CACNA1I: variants seen among roughly 807,000 people sequenced by gnomAD.
CACNA1I encodes the protein calcium voltage-gated channel subunit alpha1 I.
A neutral mutation model predicts 201.6 loss-of-function variants in CACNA1I; 74 were observed. That is an observed-to-expected ratio of 0.37 (90% CI 0.30 to 0.45). The LOEUF (loss-of-function observed/expected upper bound fraction) is 0.45. CACNA1I is among the 20% of genes least tolerant of loss of function. CACNA1I has a pLI of 1.00. For synonymous variants in CACNA1I, 1,431 were observed against 1,345.2 expected (o/e 1.06, Z -1.40); for missense variants, 2,346 against 3,138.1 (o/e 0.75, Z 6.03).
chr22:39,642,566 C>A (rs1934376738), intron 6 of CACNA1I, among the ~76,000 whole-genome samples: 1 of 152,204 alleles, frequency 6.6e-6, no homozygotes, highest in African/African-American at 2.4e-5. Flanking sequence ...CAAGTCCTGG[C>A]ACGTCCCCTT....
chr22:39,649,787 G>A lies in CACNA1I; in HGVS notation c.1854G>A (p.Ala618=), dbSNP rs778662221. ...EEEEEEQADG[A]VWLCGDVWRE... ...AGGAGGAGGAGCAGGCGGATGGGGC[G>A]GTCTGGCTGTGCGGGGATGTGTGGC... Residue 618 remains alanine, a synonymous_variant, in exon 10 of 37, where the codon GCG becomes GCA. Transcript: ENST00000402142. This position sits in a 1 kb window ranked among gnomAD's most constrained non-coding sequence, Gnocchi z 7.3. The A allele has an allele frequency of 9.1e-5, 147 of 1,610,758 alleles. 1 individual carries two copies. Among genetic ancestry groups the A allele is most frequent in the Admixed American group, 1.3e-4 (8 of 59,604 alleles).
chr22:39,604,982 T>C (rs1364282545), intron 3 of CACNA1I, among the ~76,000 whole-genome samples: 1 of 151,898 alleles, frequency 6.6e-6, no homozygotes, highest in East Asian at 1.9e-4. Flanking sequence ...TCCCATCCTT[T>C]GTGCCCAGGG....
intron 1 of CACNA1I, 52 bp from the exon 2 acceptor site, chr22:39,598,099 C>A: frequency 9.0e-7 from 1 of 1,111,520 alleles, no homozygotes; most frequent in Non-Finnish European, 1.3e-6. Flanking sequence ...GGGTGCACCC[C>A]AGCCCCCACG....
intron 27 of CACNA1I, 30 bp downstream of exon 27, chr22:39,672,338 A>C: frequency 7.1e-7 from 1 of 1,415,374 alleles, no homozygotes; most frequent in South Asian, 1.1e-5. Context: ...TAGGGCAGTA[A>C]TAGGGTAGAC....
At chr22:39,635,520 G>A (rs1311369499) in intron 5 of CACNA1I, among the ~76,000 whole-genome samples, 2 of 152,204 alleles carry the variant, frequency 1.3e-5, no homozygotes, top group East Asian at 3.9e-4. Flanking sequence ...GTTGGGGAGA[G>A]GGTAGCAGAG....
intron 27 of CACNA1I, among the ~76,000 whole-genome samples, 169 bp from the exon 28 acceptor site, chr22:39,672,780 G>C (rs1201637089): frequency 6.6e-6 from 1 of 152,108 alleles, no homozygotes; most frequent in East Asian, 1.9e-4. Context: ...AGCAGAGAGG[G>C]GCCTGGACCC....
At chr22:39,635,003 T>C (rs1468824914) in intron 5 of CACNA1I, among the ~76,000 whole-genome samples, 1 of 152,046 alleles carries the variant, frequency 6.6e-6, no homozygotes, top group Non-Finnish European at 1.5e-5. Flanking sequence ...TGAGCTCCCA[T>C]TTGGCCGCTT....
At chr22:39,660,532 C>A in intron 15 of CACNA1I, 95 bp downstream of exon 15, 1 of 746,080 alleles carries the variant, frequency 1.3e-6, no homozygotes, top group Non-Finnish European at 2.2e-6. Flanking sequence ...ACCTCAAGCC[C>A]AGGCTCAGGG....
chr22:39,685,795 C>CGCGGG lies in CACNA1I; in HGVS notation c.6062_6063insGCGGG (p.Ser2022ArgfsTer17). 1 of 1,496,024 alleles carries CGCGGG rather than the reference C, an allele frequency of 6.7e-7. No individual in the cohort carries two copies. Among genetic ancestry groups the CGCGGG allele is most frequent in the Non-Finnish European group, 8.8e-7 (1 of 1,130,292 alleles). The allele number at this position is 1,496,024 out of a possible 1,614,324, so 92.7% of individuals were successfully genotyped here. A position where few individuals can be genotyped will look rare whatever the true frequency, so the allele number is the denominator to read the frequency against. On this transcript the variant is annotated frameshift_variant, in exon 37 of 37. Coordinates refer to ENST00000402142, the MANE Select transcript of CACNA1I (RefSeq NM_021096.4). LOFTEE classifies it low-confidence loss of function (END_TRUNC). This position sits in a 1 kb window ranked among gnomAD's most constrained non-coding sequence, Gnocchi z 5.0. The stretch of plus-strand genomic sequence containing the variant: ...AGCGACACGTCGCTGGACGCCAGCC[C>CGCGGG]CAGCAGCTCCGCGGGCAGCCTGCAG...
chr22:39,685,719 G>A lies in CACNA1I; in HGVS notation c.6028-42G>A. On this transcript the variant is annotated intron_variant, in intron 36 of 36. Coordinates refer to ENST00000402142, the MANE Select transcript of CACNA1I (RefSeq NM_021096.4). The surrounding 1 kb of genome is among the most constrained non-coding windows in gnomAD (Gnocchi z 5.0). ...GGCGGCGTCCAGGTTGCTGGGGTGG[G>A]GGCCGACACAGGCGGCCTCCACGGC... 1.4e-6 allele frequency: 2 copies of A among 1,406,366 alleles called. No individual in the cohort carries two copies. The highest frequency in any genetic ancestry group is 2.6e-4 in the Middle Eastern group (1 of 3,884). 87.1% of individuals were successfully genotyped at this position (1,406,366 alleles called of 1,614,324 possible). A position where few individuals can be genotyped will look rare whatever the true frequency, so the allele number is the denominator to read the frequency against.
In CACNA1I at chr22:39,599,049, T is replaced by C. The variant is rs180870530; in HGVS notation, c.348+787T>C. 8.8e-5 allele frequency among the ~76,000 whole-genome samples: 13 copies of C among 147,432 alleles called. No homozygotes were observed. The East Asian group carries it at 2.2e-3, about 24-fold the overall frequency. On this transcript the variant is annotated intron_variant, in intron 2 of 36. Transcript: ENST00000402142. ...CTGCAAGCTCCACCTCCCGGGTTCA[T>C]GCCATTCTCCCACCTCAGCCTCCTG...
chr22:39,606,114 C>T (rs754763394), intron 3 of CACNA1I, among the ~76,000 whole-genome samples: 8 of 152,172 alleles, frequency 5.3e-5, no homozygotes, highest in Non-Finnish European at 7.3e-5. Flanking sequence ...CTGCTGGACT[C>T]GCTTCAGGCT....
chr22:39,637,143 T>C (rs1483958475), intron 5 of CACNA1I, among the ~76,000 whole-genome samples: 1 of 152,182 alleles, frequency 6.6e-6, no homozygotes, highest in East Asian at 1.9e-4. Flanking sequence ...AGACCCTTTA[T>C]CTTGGCCACT....
At chr22:39,594,391 G>A (rs1932855677) in intron 1 of CACNA1I, among the ~76,000 whole-genome samples, 1 of 152,146 alleles carries the variant, frequency 6.6e-6, no homozygotes, top group South Asian at 2.1e-4. Context: ...GGGGATGGGG[G>A]ATGTTCTTTG....
chr22:39,629,595 G>A lies in CACNA1I; in HGVS notation c.581-4970G>A, dbSNP rs1272504728. Among the ~76,000 whole-genome samples, 6 of 152,278 alleles carry A rather than the reference G, an allele frequency of 3.9e-5. No individual in the cohort carries two copies. Among genetic ancestry groups the A allele is most frequent in the South Asian group, 2.1e-4 (1 of 4,824 alleles). ...GGACGGAAGGCCCAATCATCAGGCC[G>A]TGAGGGTGGTGGAGAGGGCCCAGTG... On this transcript the variant is annotated intron_variant, in intron 4 of 36. Coordinates refer to ENST00000402142, the MANE Select transcript of CACNA1I (RefSeq NM_021096.4). The surrounding 1 kb of genome is among the most constrained non-coding windows in gnomAD (Gnocchi z 4.8).
intron 7 of CACNA1I, among the ~76,000 whole-genome samples, chr22:39,645,604 C>A (rs1464669793): frequency 6.6e-6 from 1 of 152,176 alleles, no homozygotes; most frequent in East Asian, 1.9e-4. Context: ...TCTGGGCCAG[C>A]AACCCTCCCA....
intron 2 of CACNA1I, 143 bp from the exon 3 acceptor site, chr22:39,600,377 C>A: frequency 1.6e-6 from 1 of 643,218 alleles, no homozygotes; most frequent in South Asian, 1.9e-5. Flanking sequence ...CTGAGGTTCT[C>A]CTCCTGCCCA....
intron 25 of CACNA1I, 22 bp downstream of exon 25, chr22:39,670,252 G>A: frequency 1.2e-6 from 2 of 1,605,802 alleles, no homozygotes; most frequent in Non-Finnish European, 1.7e-6. Flanking sequence ...CCTGTGGAGG[G>A]CGTGGGCCAC....
chr22:39,620,261 ATCCATCCATCCATCCATACG>A lies in CACNA1I; in HGVS notation c.580+856_580+875del, dbSNP rs1001608199. ...TGTCCATCCATCCATCCATCCATCCATCCATCCATCCATCCATACGTACATACATACATCTGCTCATCTTT... is the reference window on the plus strand; with the variant it reads ...TGTCCATCCATCCATCCATCCATCCATACATACATACATCTGCTCATCTTT... On this transcript the variant is annotated intron_variant, in intron 4 of 36. Coordinates refer to ENST00000402142, the MANE Select transcript of CACNA1I (RefSeq NM_021096.4). 7.3e-5 allele frequency among the ~76,000 whole-genome samples: 10 copies of A among 136,256 alleles called. No individual in the cohort carries two copies. In the East Asian group the frequency reaches 1.0e-3, roughly 14 times the overall value. The allele number at this position is 136,256 out of a possible 152,430, so 89.4% of individuals were successfully genotyped here.
Sources: gnomAD v4.1 joint callset for allele counts (sites outside exome capture counted in the v4.1 genomes callset) on GRCh38, gnomAD v4.1.1 for gene constraint, Gnocchi (gnomAD v3.1) non-coding constraint, MANE v1.5 for transcripts, NCBI Gene and HGNC (gene_info 2026-07-23, HGNC 2026-07-21) for gene names.